The following CCDC192 variants were observed in gnomAD, a reference collection of about 807,000 sequenced individuals.
CCDC192 encodes the protein coiled-coil domain-containing protein 192.
At chr5:127,753,272 T>A (rs1263917373) in intron 2 of CCDC192, among the ~76,000 whole-genome samples, 1 of 152,240 alleles carries the variant, frequency 6.6e-6, no homozygotes, top group African/African-American at 2.4e-5. Flanking sequence ...TTCATATTTC[T>A]TTCTAATTAT....
chr5:127,782,312 A>T (rs114545037), intron 3 of CCDC192, among the ~76,000 whole-genome samples: 2,004 of 152,166 alleles, frequency 0.013, 19 homozygotes, highest in African/African-American at 0.027. Flanking sequence ...TTTTGGTATT[A>T]GGGTGATGTT....
intron 3 of CCDC192, among the ~76,000 whole-genome samples, chr5:127,756,297 C>T (rs1180360871): frequency 6.6e-6 from 1 of 152,180 alleles, no homozygotes; most frequent in African/African-American, 2.4e-5. Flanking sequence ...ATCACAGAGC[C>T]GCAGAGCCGG....
intron 5 of CCDC192, among the ~76,000 whole-genome samples, chr5:127,846,268 G>T (rs1489233056): frequency 7.0e-6 from 1 of 143,830 alleles, no homozygotes; most frequent in Admixed American, 7.1e-5. Flanking sequence ...CAGCCTGGGC[G>T]ACAGAGCAAG....
intron 3 of CCDC192, among the ~76,000 whole-genome samples, chr5:127,760,399 A>G (rs1754846999): frequency 6.6e-6 from 1 of 152,118 alleles, no homozygotes; most frequent in Non-Finnish European, 1.5e-5. Flanking sequence ...TTCCCATGGA[A>G]ACTCTTGCAA....
intron 5 of CCDC192, among the ~76,000 whole-genome samples, chr5:127,867,591 A>T (rs1751667241): frequency 6.6e-6 from 1 of 152,142 alleles, no homozygotes; most frequent in Admixed American, 6.5e-5. Flanking sequence ...CCCAAGGGGA[A>T]TTGGACTGGA....
chr5:127,811,079 T>C (rs1413011826), intron 5 of CCDC192, among the ~76,000 whole-genome samples: 1 of 152,186 alleles, frequency 6.6e-6, no homozygotes, highest in African/African-American at 2.4e-5. Context: ...TTACATATAA[T>C]TGCCTATTTC....
chr5:127,905,532 G>A (rs1472334855), intron 6 of CCDC192, among the ~76,000 whole-genome samples: 1 of 152,120 alleles, frequency 6.6e-6, no homozygotes, highest in Non-Finnish European at 1.5e-5. Flanking sequence ...ATGCTTTCAT[G>A]TCAAGTTCAC....
chr5:127,725,734 T>C (rs1280765056), intron 2 of CCDC192, among the ~76,000 whole-genome samples: 1 of 152,202 alleles, frequency 6.6e-6, no homozygotes, highest in East Asian at 1.9e-4. Context: ...CTAAGAATTG[T>C]GAAATGTCTC....
intron 5 of CCDC192, among the ~76,000 whole-genome samples, chr5:127,815,488 C>T (rs564907131): frequency 3.9e-5 from 6 of 152,216 alleles, no homozygotes; most frequent in African/African-American, 1.4e-4. Flanking sequence ...CACAGAGTTC[C>T]TGCATGGAAT....
chr5:127,879,540 GT>G (rs1279462392), intron 6 of CCDC192, among the ~76,000 whole-genome samples: 1 of 62,402 alleles, frequency 1.6e-5, no homozygotes, highest in Non-Finnish European at 3.4e-5. Flanking sequence ...AGGACTTCAT[GT>G]CTAAAACACC....
chr5:127,895,860 C>A (rs1335561720), intron 6 of CCDC192, among the ~76,000 whole-genome samples: 2 of 151,700 alleles, frequency 1.3e-5, no homozygotes, highest in African/African-American at 4.8e-5. Context: ...AAAGTAGTGC[C>A]ACCTCAGACA....
chr5:127,830,234 G>A lies in CCDC192; in HGVS notation c.411+32072G>A, dbSNP rs372156894. On this transcript the variant is annotated intron_variant, in intron 5 of 6. Coordinates refer to ENST00000514853, the MANE Select transcript of CCDC192 (RefSeq NM_001317938.2). ...CTGGTTGATTTTTAGTCAAGAGTTT[G>A]GTAGATACATTCTTGCCCTGACCAG... Among the ~76,000 whole-genome samples, 50 of 152,170 alleles carry A rather than the reference G, an allele frequency of 3.3e-4. 1 individual carries two copies. In the South Asian group the frequency reaches 0.01, roughly 31 times the overall value.
chr5:127,819,150 C>A (rs1262202038), intron 5 of CCDC192, among the ~76,000 whole-genome samples: 3 of 152,126 alleles, frequency 2.0e-5, no homozygotes, highest in Non-Finnish European at 4.4e-5. Flanking sequence ...AAACCCATGG[C>A]TCCAGATAAA....
chr5:127,927,614 C>T (rs770742071), intron 6 of CCDC192, among the ~76,000 whole-genome samples: 1 of 152,154 alleles, frequency 6.6e-6, no homozygotes, highest in Admixed American at 6.5e-5. Flanking sequence ...TTTAAATGTT[C>T]ATGGCTTGGA....
At chr5:127,792,525 C>CATATATATAT (rs34017962) in intron 3 of CCDC192, among the ~76,000 whole-genome samples, 63 of 141,294 alleles carry the variant, frequency 4.5e-4, no homozygotes, top group South Asian at 6.9e-4. Flanking sequence ...ATCACCATCT[C>CATATATATAT]ATATATATAT....
At chr5:127,725,565 G>A (rs1420595280) in intron 2 of CCDC192, among the ~76,000 whole-genome samples, 1 of 152,048 alleles carries the variant, frequency 6.6e-6, no homozygotes, top group Admixed American at 6.6e-5. Context: ...TTGTACTAAA[G>A]CTTCAAAATC....
intron 5 of CCDC192, chr5:127,857,694 T>G (rs768705285): frequency 9.2e-5 from 14 of 152,152 alleles, no homozygotes; most frequent in African/African-American, 3.1e-4. Context: ...TTGATGTAGT[T>G]TTCAGTTCTA....
chr5:127,854,378 G>A (rs1478749850), intron 5 of CCDC192, among the ~76,000 whole-genome samples: 2 of 152,100 alleles, frequency 1.3e-5, no homozygotes, highest in Admixed American at 6.5e-5. Context: ...ACCCACAGTA[G>A]AGTACAATAA....
At chr5:127,891,697 T>G (rs1214281526) in intron 6 of CCDC192, among the ~76,000 whole-genome samples, 1 of 152,212 alleles carries the variant, frequency 6.6e-6, no homozygotes, top group African/African-American at 2.4e-5. Flanking sequence ...TTTCTCAGTC[T>G]CTTTGTCCCA....
Sources: gnomAD v4.1 joint callset for allele counts (sites outside exome capture counted in the v4.1 genomes callset) on GRCh38, gnomAD v4.1.1 for gene constraint, MANE v1.5 for transcripts, NCBI Gene and HGNC (gene_info 2026-07-23, HGNC 2026-07-21) for gene names.